The following CUEDC1 variants were observed in gnomAD, a reference collection of about 807,000 sequenced individuals.
The protein encoded by CUEDC1 is CUE domain-containing protein 1.
In CUEDC1, 30 loss-of-function variants were observed where a neutral mutation model predicts 43.7. That is an observed-to-expected ratio of 0.69 (90% CI 0.51 to 0.93). The LOEUF (loss-of-function observed/expected upper bound fraction) is 0.93, where lower values mean the gene tolerates loss of function less well. Ranked by LOEUF, CUEDC1 falls within the 40% of genes least tolerant of loss-of-function variation. The pLI is 0.00. For missense variants in CUEDC1, 486 were observed against 549.0 expected, an observed-to-expected ratio of 0.89 and a Z score of 1.15; for synonymous variants, 223 against 223.6, an observed-to-expected ratio of 1.00 and a Z score of 0.02.
chr17:57,917,307 C>T (rs73993001), intron 1 of CUEDC1, among the ~76,000 whole-genome samples: 23,136 of 152,138 alleles, frequency 0.15, 2,813 homozygotes, highest in African/African-American at 0.34. Context: ...CAGATGGCAG[C>T]GGCTCAGAGG....
chr17:57,940,548 C>G (rs2074908258), intron 1 of CUEDC1, among the ~76,000 whole-genome samples: 1 of 152,152 alleles, frequency 6.6e-6, no homozygotes. Context: ...GGTGCACTGC[C>G]TGACCTACAA....
At chr17:57,882,222 C>T (rs1214818807) in intron 2 of CUEDC1, among the ~76,000 whole-genome samples, 1 of 152,012 alleles carries the variant, frequency 6.6e-6, no homozygotes, top group African/African-American at 2.4e-5. Flanking sequence ...GTCATTCCAG[C>T]TGTGGCTCAT....
At chr17:57,880,850 CG>C (rs1234940787) in intron 2 of CUEDC1, among the ~76,000 whole-genome samples, 2 of 111,196 alleles carry the variant, frequency 1.8e-5, no homozygotes, top group African/African-American at 3.8e-5. Context: ...ACCATAGGGG[CG>C]GCCCCTGACT....
chr17:57,921,313 T>C (rs1053527240), intron 1 of CUEDC1, among the ~76,000 whole-genome samples: 1 of 152,006 alleles, frequency 6.6e-6, no homozygotes, highest in Admixed American at 6.6e-5. Flanking sequence ...CCTTGTGAAC[T>C]GCAAGGTGCT....
intron 1 of CUEDC1, among the ~76,000 whole-genome samples, chr17:57,895,318 T>C (rs1268602897): frequency 6.6e-6 from 1 of 152,164 alleles, no homozygotes; most frequent in Non-Finnish European, 1.5e-5. Context: ...CCATATTCCC[T>C]AGAGCCTAGC....
intron 1 of CUEDC1, among the ~76,000 whole-genome samples, chr17:57,898,087 T>C (rs1215179341): frequency 6.6e-6 from 1 of 152,178 alleles, no homozygotes; most frequent in East Asian, 1.9e-4. Context: ...CTTTAAAACC[T>C]TTTCAATCCT....
intron 2 of CUEDC1, 103 bp downstream of exon 2, chr17:57,885,126 T>C: frequency 6.8e-7 from 1 of 1,465,632 alleles, no homozygotes; most frequent in South Asian, 1.5e-5. Flanking sequence ...CCAGGTCCTC[T>C]TAGAGGTTCC....
chr17:57,873,457 G>C (rs539131497), intron 4 of CUEDC1, 134 bp downstream of exon 4: 5 of 1,074,376 alleles, frequency 4.7e-6, no homozygotes, highest in Non-Finnish European at 5.2e-6. Flanking sequence ...CCTGCCCTAC[G>C]AACCCAGGGC....
At chr17:57,920,884 G>C (rs376496320) in intron 1 of CUEDC1, among the ~76,000 whole-genome samples, 2 of 151,882 alleles carry the variant, frequency 1.3e-5, no homozygotes, top group East Asian at 1.9e-4. Flanking sequence ...TGATCTGCCC[G>C]CTTCATCCTC....
intron 10 of CUEDC1, 42 bp from the exon 11 acceptor site, chr17:57,863,327 G>T (rs1313691605): frequency 1.3e-5 from 2 of 152,426 alleles, no homozygotes; most frequent in Non-Finnish European, 2.9e-5. Context: ...TTTTTCAAAG[G>T]AGCCCAATGG....
At position 57,879,646 on chromosome 17, in the gene CUEDC1, C is replaced by T; in HGVS notation, c.429G>A (p.Arg143=). 1 of 1,604,562 alleles carries T rather than the reference C, an allele frequency of 6.2e-7. No homozygotes were observed. The highest frequency in any genetic ancestry group is 8.5e-7 in the Non-Finnish European group (1 of 1,176,898). Residue 143 remains arginine, a synonymous_variant, in exon 3 of 11, where the codon CGG becomes CGA. Coordinates refer to ENST00000577830, the MANE Select transcript of CUEDC1 (RefSeq NM_001271875.2). The part of the protein sequence containing the change: ...PPAYHMHVFD[R]PYPLAPPTPP... ...GAGTCGGGGGAGCCAGAGGGTAGGG[C>T]CGGTCGAACACGTGCATGTGGTAGG...
At chr17:57,893,468 C>T (rs1401983344) in intron 1 of CUEDC1, among the ~76,000 whole-genome samples, 3 of 152,186 alleles carry the variant, frequency 2.0e-5, no homozygotes, top group Non-Finnish European at 4.4e-5. Context: ...CTTCAAAAGC[C>T]GGGTGACCTT....
chr17:57,913,620 G>T (rs1037804434), intron 1 of CUEDC1, among the ~76,000 whole-genome samples: 12 of 152,118 alleles, frequency 7.9e-5, no homozygotes, highest in Non-Finnish European at 1.2e-4. Flanking sequence ...CAGGGACAGG[G>T]CCCAGGGACT....
chr17:57,887,655 CTT>C (rs3085786), intron 1 of CUEDC1, among the ~76,000 whole-genome samples: 23 of 58,028 alleles, frequency 4.0e-4, no homozygotes, highest in East Asian at 2.0e-3. Flanking sequence ...CCACGCCTGG[CTT>C]TTTTTTTTTT....
In CUEDC1 at chr17:57,867,363, C is replaced by T. The variant is rs373603404; in HGVS notation, c.1087G>A (p.Ala363Thr). 17 of 1,551,940 alleles carry T rather than the reference C, an allele frequency of 1.1e-5. No homozygotes were observed. The highest frequency in any genetic ancestry group is 2.4e-5 in the East Asian group (1 of 40,984). The change falls in exon 9 of 11, where the codon GCG becomes ACG. Residue 363 changes from alanine to threonine, a missense_variant. Coordinates refer to ENST00000577830, the MANE Select transcript of CUEDC1 (RefSeq NM_001271875.2). ...GACTCCCCTCCAGCCTCACCACACG[C>T]GTGGCCCTCCACATCATCCAGGAGG... is the stretch of plus-strand genomic sequence containing the variant. Reference protein sequence around the residue: ...ANLLDDVEGHACDEDFRGRRQ... With the variant: ...ANLLDDVEGHTCDEDFRGRRQ...
chr17:57,865,141 G>A (rs888780527), intron 10 of CUEDC1, among the ~76,000 whole-genome samples: 1 of 152,222 alleles, frequency 6.6e-6, no homozygotes, highest in African/African-American at 2.4e-5. Flanking sequence ...CGTTCTCCCT[G>A]GGGACCAGTA....
In CUEDC1 at chr17:57,885,811, G is replaced by T. The variant is rs1035647371; in HGVS notation, c.-247C>A. The T allele has an allele frequency of 9.9e-6, 4 of 402,382 alleles. No homozygotes were observed. The highest frequency in any genetic ancestry group is 1.6e-5 in the Non-Finnish European group (4 of 242,966). The allele number at this position is 402,382 out of a possible 1,614,324, so 24.9% of individuals were successfully genotyped here. On this transcript the variant is annotated 5_prime_UTR_variant, in exon 2 of 11. Transcript: ENST00000577830. ...GCGGTGGCATGCGGGACCGGGCCGTGCTGGGGCTGGGCGGCCGGTCATCCA... is the reference window on the plus strand; with the variant it reads ...GCGGTGGCATGCGGGACCGGGCCGTTCTGGGGCTGGGCGGCCGGTCATCCA...
At chr17:57,931,955 C>T (rs1354898581) in intron 1 of CUEDC1, among the ~76,000 whole-genome samples, 2 of 152,176 alleles carry the variant, frequency 1.3e-5, no homozygotes, top group Non-Finnish European at 2.9e-5. Context: ...ATGTGTCCTT[C>T]CCTCTCTCAG....
At chr17:57,890,557 C>A (rs2074344414) in intron 1 of CUEDC1, among the ~76,000 whole-genome samples, 1 of 152,246 alleles carries the variant, frequency 6.6e-6, no homozygotes, top group South Asian at 2.1e-4. Flanking sequence ...GACTGGGAAG[C>A]AGAAACCCCA....
Sources: allele counts gnomAD v4.1 joint callset (sites outside exome capture counted in the v4.1 genomes callset), GRCh38; gene constraint gnomAD v4.1.1; transcripts MANE v1.5; gene names NCBI Gene and HGNC (gene_info 2026-07-23, HGNC 2026-07-21).